The following RTEL1 variants were observed in gnomAD, a reference collection of about 807,000 sequenced individuals.
RTEL1 encodes regulator of telomere elongation helicase 1, also known as regulator of telomere length.
A neutral mutation model predicts 162.2 loss-of-function variants in RTEL1; 86 were observed. The observed-to-expected ratio is 0.53, with a 90% CI of 0.45 to 0.63. The LOEUF is 0.63. RTEL1 is among the 30% of genes least tolerant of loss of function. The pLI, the probability that RTEL1 is intolerant of heterozygous loss-of-function variation, is 0.00. For missense variants in RTEL1, 1,941 were observed against 1,750.2 expected (o/e 1.11, Z -1.95); for synonymous variants, 958 against 717.9 (o/e 1.33, Z -5.35).
At chr20:63,682,525 C>T (rs78430218) in intron 14 of RTEL1, 80,274 of 985,686 alleles carry the variant, frequency 0.081, 3,761 homozygotes, top group South Asian at 0.23. Flanking sequence ...CACACTCCAT[C>T]GGTTTGGAAT....
At chr20:63,693,834 C>A (rs962798411) in intron 30 of RTEL1, among the ~76,000 whole-genome samples, 2 of 144,402 alleles carry the variant, frequency 1.4e-5, no homozygotes, top group Non-Finnish European at 3.0e-5. Context: ...CTGCCATAGC[C>A]CCGACCCCTA....
At chr20:63,693,902 G>A (rs2090891657) in intron 30 of RTEL1, among the ~76,000 whole-genome samples, 1 of 150,408 alleles carries the variant, frequency 6.6e-6, no homozygotes, top group African/African-American at 2.5e-5. Context: ...GTCCTGGGGG[G>A]TCAACTGCAC....
At chr20:63,680,213 A>C (rs1014651652) in intron 13 of RTEL1, among the ~76,000 whole-genome samples, 2 of 152,196 alleles carry the variant, frequency 1.3e-5, no homozygotes, top group Non-Finnish European at 2.9e-5. Flanking sequence ...CCAAGGCCCT[A>C]GCTGGCTTGT....
At chr20:63,687,873 G>T in intron 17 of RTEL1, 64 bp from the exon 18 acceptor site, 1 of 1,586,674 alleles carries the variant, frequency 6.3e-7, no homozygotes, top group South Asian at 1.1e-5. Context: ...GGGGTCTCGG[G>T]CCTCGAGGGC....
chr20:63,685,395 C>T, intron 14 of RTEL1, 128 bp from the exon 15 acceptor site: 1 of 928,264 alleles, frequency 1.1e-6, no homozygotes, highest in Non-Finnish European at 1.6e-6. Flanking sequence ...CCTGGGGCTG[C>T]ATGATGGCAG....
Position 63,682,364 on chromosome 20 carries a change from A to G in RTEL1, c.1191+1645A>G, listed in dbSNP as rs1197144707. 2.3e-5 allele frequency: 23 copies of G among 984,808 alleles called. No individual in the cohort carries two copies. In the Admixed American group the frequency reaches 1.4e-3, roughly 61 times the overall value. 61.0% of individuals were successfully genotyped at this position (984,808 alleles called of 1,614,324 possible). A position where few individuals can be genotyped will look rare whatever the true frequency, so the allele number is the denominator to read the frequency against. Reference sequence around the variant, plus strand: ...GCCTCCCAGGCCCCCAGCTATGGAGAAGACTCCACACTCTGGAACCGGATC... The same window carrying G: ...GCCTCCCAGGCCCCCAGCTATGGAGGAGACTCCACACTCTGGAACCGGATC... On this transcript the variant is annotated intron_variant, in intron 14 of 34. Transcript: ENST00000360203.
At chr20:63,688,996 T>C in intron 21 of RTEL1, 59 bp from the exon 22 acceptor site, 1 of 1,440,956 alleles carries the variant, frequency 6.9e-7, no homozygotes, top group South Asian at 1.1e-5. Flanking sequence ...GTCTCCCTCA[T>C]GGGGGAGGAA....
intron 14 of RTEL1, among the ~76,000 whole-genome samples, chr20:63,684,146 T>C (rs1228551028): frequency 6.6e-6 from 1 of 152,128 alleles, no homozygotes; most frequent in Non-Finnish European, 1.5e-5. Context: ...GAGCTTTGTG[T>C]CTGGGCCTCC....
chr20:63,695,314 G>A lies in RTEL1; in HGVS notation c.3500-14G>A. On this transcript the variant is annotated splice_polypyrimidine_tract_variant and intron_variant, in intron 33 of 34. Coordinates refer to ENST00000360203, the MANE Select transcript of RTEL1 (RefSeq NM_001283009.2). ...AGCCCCAGGCCCCCCTCAGACTCAA[G>A]TCTCTGTCTCCAGGCCCCTCACGGT... 7 of 1,573,574 alleles carry A rather than the reference G, an allele frequency of 4.4e-6. No homozygotes were observed. In the South Asian group the frequency reaches 7.0e-5, roughly 16 times the overall value.
chr20:63,665,421 G>A (rs1256161376), intron 6 of RTEL1: 1 of 152,908 alleles, frequency 6.5e-6, no homozygotes, highest in Non-Finnish European at 1.5e-5. Flanking sequence ...GACTTCTGAA[G>A]CCTTTTCTGC....
intron 7 of RTEL1, among the ~76,000 whole-genome samples, 161 bp downstream of exon 7, chr20:63,666,240 G>C (rs1198728096): frequency 6.6e-6 from 1 of 152,202 alleles, no homozygotes; most frequent in African/African-American, 2.4e-5. Context: ...CTCTGAGGAA[G>C]ATAGAGTAAA....
rs772636396 is a variant in RTEL1 at position 63,695,804 on chromosome 20, C to T, written c.3849C>T (p.His1283=). 12 of 1,599,486 alleles carry T rather than the reference C, an allele frequency of 7.5e-6. No homozygotes were observed. In the South Asian group the frequency reaches 1.2e-4, roughly 16 times the overall value. ...LQASRMCPAC[H]TASRKQSVMQ... The stretch of plus-strand genomic sequence containing the variant: ...CCTCTAGGATGTGCCCAGCCTGCCA[C>T]ACCGCCTCCAGGAAGCAGAGCGTCA... The change falls in exon 35 of 35, where the codon CAC becomes CAT. Residue 1283 remains histidine, a synonymous_variant. Coordinates refer to ENST00000360203, the MANE Select transcript of RTEL1 (RefSeq NM_001283009.2).
chr20:63,690,971 G>A, intron 27 of RTEL1, 24 bp downstream of exon 27: 3 of 1,540,494 alleles, frequency 1.9e-6, no homozygotes, highest in Non-Finnish European at 2.6e-6. Flanking sequence ...GCCTTGGGAT[G>A]GACACAGACC....
chr20:63,680,790 A>G (rs1374551096), intron 14 of RTEL1, 71 bp downstream of exon 14: 1 of 1,593,468 alleles, frequency 6.3e-7, no homozygotes, highest in Non-Finnish European at 8.6e-7. Flanking sequence ...CTGCTGTATT[A>G]GTTAACTGAT....
chr20:63,693,937 C>G (rs956481378), intron 30 of RTEL1, among the ~76,000 whole-genome samples: 2 of 151,238 alleles, frequency 1.3e-5, no homozygotes, highest in Admixed American at 1.3e-4. Flanking sequence ...GGGTCCTAGA[C>G]CCCTGTCCTC....
chr20:63,691,901 G>A, intron 28 of RTEL1, 64 bp downstream of exon 28: 1 of 1,375,122 alleles, frequency 7.3e-7, no homozygotes, highest in South Asian at 1.2e-5. Flanking sequence ...GCAGCCGTGG[G>A]TGCCCCCAGC....
At chr20:63,663,615 C>T (rs1003878173) in intron 6 of RTEL1, among the ~76,000 whole-genome samples, 10 of 152,194 alleles carry the variant, frequency 6.6e-5, no homozygotes, top group African/African-American at 2.4e-4. Context: ...AGGGTGCACC[C>T]CCGTTGGCTG....
chr20:63,688,316 TGG>T lies in RTEL1; in HGVS notation c.1653_1654del (p.Val552AlafsTer113), dbSNP rs780473054. ...GCACTTCCAGGCAACATCGCCCGCG[TGG>T]TGCCCTATGGGCTCCTGATCTTCTT... is the stretch of plus-strand genomic sequence containing the variant. On this transcript the variant is annotated frameshift_variant, in exon 20 of 35. Transcript: ENST00000360203. LOFTEE classifies it high-confidence loss of function. 1.9e-6 allele frequency: 3 copies of T among 1,612,364 alleles called. No homozygotes were observed.
intron 19 of RTEL1, 28 bp from the exon 20 acceptor site, chr20:63,688,273 G>C (rs747741678): frequency 4.3e-6 from 7 of 1,610,318 alleles, no homozygotes; most frequent in African/African-American, 2.7e-5. Context: ...TCCTGCCCCT[G>C]CCTTGACCCC....
Sources: gnomAD v4.1 joint callset for allele counts (sites outside exome capture counted in the v4.1 genomes callset) on GRCh38, gnomAD v4.1.1 for gene constraint, MANE v1.5 for transcripts, NCBI Gene and HGNC (gene_info 2026-07-23, HGNC 2026-07-21) for gene names.